SUFU: variants seen among roughly 807,000 people sequenced by gnomAD.
SUFU encodes the protein suppressor of fused homolog.
Under a neutral mutation model 58.9 loss-of-function variants are expected in SUFU, and 7 were observed. That is an observed-to-expected ratio of 0.12 (90% CI 0.07 to 0.22). The LOEUF (loss-of-function observed/expected upper bound fraction) is 0.22, where lower values mean the gene tolerates loss of function less well. Among genes scored for constraint, SUFU ranks in the 10% least tolerant of loss-of-function variants. SUFU has a pLI of 1.00. For synonymous variants in SUFU, 232 were observed against 254.8 expected (o/e 0.91, Z 0.85); for missense variants, 451 against 641.3 (o/e 0.70, Z 3.20).
At chr10:102,585,221 G>C (rs1268757243) in intron 3 of SUFU, among the ~76,000 whole-genome samples, 1 of 151,940 alleles carries the variant, frequency 6.6e-6, no homozygotes, top group Non-Finnish European at 1.5e-5. Context: ...ACCTCATATT[G>C]GTCACTCCCT....
rs898245262 is a variant in SUFU at position 102,579,808 on chromosome 10, C to G, written c.455-12774C>G. On this transcript the variant is annotated intron_variant, in intron 3 of 11. Transcript: ENST00000369902. The stretch of plus-strand genomic sequence containing the variant: ...GAGGGAAGCTCTCAAACCAAACACT[C>G]AAATGAACTTTTCAAGTGATAAAAC... 5.2e-5 allele frequency: 51 copies of G among 985,338 alleles called. No homozygotes were observed. In the African/African-American group the frequency reaches 8.7e-4, roughly 17 times the overall value. The allele number at this position is 985,338 out of a possible 1,614,324, so 61.0% of individuals were successfully genotyped here. A position where few individuals can be genotyped will look rare whatever the true frequency, so the allele number is the denominator to read the frequency against.
At chr10:102,529,601 G>C (rs1349675171) in intron 2 of SUFU, among the ~76,000 whole-genome samples, 1 of 152,096 alleles carries the variant, frequency 6.6e-6, no homozygotes, top group Non-Finnish European at 1.5e-5. Context: ...GAAGGCTGAG[G>C]CAGCAGTGAG....
At chr10:102,620,943 G>T (rs1165741792) in intron 10 of SUFU, among the ~76,000 whole-genome samples, 1 of 152,208 alleles carries the variant, frequency 6.6e-6, no homozygotes, top group Non-Finnish European at 1.5e-5. Flanking sequence ...TGCTTTCTCA[G>T]CTGTGTGGTG....
rs1236947004 is a variant in SUFU at position 102,599,470 on chromosome 10, C to G, written c.948C>G (p.Leu316=). The change falls in exon 8 of 12, where the codon CTC becomes CTG. Residue 316 remains leucine (L), a synonymous_variant. Coordinates refer to ENST00000369902, the MANE Select transcript of SUFU (RefSeq NM_016169.4). ...TCCGGGAGACCCTGAGGAGAGGACT[C>G]GAGATCAACAGCAAACCTGTCCTTC... ...EQIRETLRRG[L]EINSKPVLPP... 5 of 1,614,022 alleles carry G rather than the reference C, an allele frequency of 3.1e-6. No individual in the cohort carries two copies. The highest frequency in any genetic ancestry group is 4.2e-6 in the Non-Finnish European group (5 of 1,180,034).
At chr10:102,509,402 C>T (rs1179144075) in intron 2 of SUFU, 99 bp downstream of exon 2, 68 of 1,526,474 alleles carry the variant, frequency 4.5e-5, no homozygotes, top group South Asian at 6.7e-5. Flanking sequence ...GGTACTTCTC[C>T]GTGGAACCTC....
chr10:102,595,227 T>C (rs1358925652), intron 6 of SUFU, among the ~76,000 whole-genome samples: 1 of 152,222 alleles, frequency 6.6e-6, no homozygotes, highest in Admixed American at 6.5e-5. Context: ...AGGTGGCAGA[T>C]GGACATGTAG....
intron 2 of SUFU, among the ~76,000 whole-genome samples, chr10:102,516,676 T>A (rs2062474977): frequency 6.6e-6 from 1 of 151,890 alleles, no homozygotes; most frequent in Non-Finnish European, 1.5e-5. Flanking sequence ...GCCTCCCAAG[T>A]AGCTGGGATT....
Position 102,567,923 on chromosome 10 carries a change from C to T in SUFU, c.454+17817C>T, listed in dbSNP as rs143204687. On this transcript the variant is annotated intron_variant, in intron 3 of 11. Coordinates refer to ENST00000369902, the MANE Select transcript of SUFU (RefSeq NM_016169.4). ...TTGAAGATTTAGGAAGAACAGGACA[C>T]TATCAACCTCCTGGGCCAACCGGGC... 3.3e-3 allele frequency among the ~76,000 whole-genome samples: 506 copies of T among 152,242 alleles called. 5 individuals carry two copies. Among genetic ancestry groups the T allele is most frequent in the African/African-American group, 0.011 (475 of 41,532 alleles).
Position 102,619,248 on chromosome 10 carries a change from G to A in SUFU, c.1296+1820G>A, listed in dbSNP as rs2063719184. 2.0e-6 allele frequency: 3 copies of A among 1,474,180 alleles called. No homozygotes were observed. The highest frequency in any genetic ancestry group is 1.4e-5 in the African/African-American group (1 of 70,876). The allele number at this position is 1,474,180 out of a possible 1,614,324, so 91.3% of individuals were successfully genotyped here. ...TTCGGACCCAACCCCAATTCCCCAA[G>A]CCCCTGACCCCCTAGCTGCCGGGGT... On this transcript the variant is annotated intron_variant, in intron 10 of 11. Coordinates refer to ENST00000369902, the MANE Select transcript of SUFU (RefSeq NM_016169.4). This position sits in a 1 kb window ranked among gnomAD's most constrained non-coding sequence, Gnocchi z 4.2.
At chr10:102,571,411 T>C (rs1044136363) in intron 3 of SUFU, among the ~76,000 whole-genome samples, 4 of 152,216 alleles carry the variant, frequency 2.6e-5, no homozygotes, top group African/African-American at 9.6e-5. Context: ...ACGCCTGTAA[T>C]CCCAGCACTT....
At chr10:102,590,261 G>A (rs1421309862) in intron 3 of SUFU, among the ~76,000 whole-genome samples, 2 of 141,460 alleles carry the variant, frequency 1.4e-5, no homozygotes, top group Non-Finnish European at 3.0e-5. Context: ...CACCTCCCAG[G>A]TTCAAGTGAT....
intron 2 of SUFU, among the ~76,000 whole-genome samples, chr10:102,537,999 C>A (rs1046501333): frequency 6.6e-6 from 1 of 152,200 alleles, no homozygotes; most frequent in African/African-American, 2.4e-5. Flanking sequence ...GCAGCTGTAT[C>A]ATCTTACATT....
intron 8 of SUFU, among the ~76,000 whole-genome samples, chr10:102,601,307 T>C (rs1268245282): frequency 6.6e-6 from 1 of 152,158 alleles, no homozygotes; most frequent in African/African-American, 2.4e-5. Flanking sequence ...CTCCTAGATA[T>C]ACACATAAGC....
At chr10:102,583,518 T>C (rs1036211230) in intron 3 of SUFU, among the ~76,000 whole-genome samples, 2 of 152,316 alleles carry the variant, frequency 1.3e-5, no homozygotes, top group African/African-American at 4.8e-5. Context: ...TCCCAAGTTA[T>C]TAAGCCTGCA....
At chr10:102,592,834 C>G in intron 4 of SUFU, 110 bp downstream of exon 4, 2 of 1,275,852 alleles carry the variant, frequency 1.6e-6, no homozygotes, top group Non-Finnish European at 2.2e-6. Flanking sequence ...CCTTTGGCCT[C>G]GTCCTGATTT....
In SUFU at chr10:102,509,165, G is replaced by A. The variant is rs766044613; in HGVS notation, c.183-4G>A. On this transcript the variant is annotated splice_polypyrimidine_tract_variant and splice_region_variant and intron_variant, in intron 1 of 11. Transcript: ENST00000369902. ...CTAACACCCCTGTGTTTTGTTTTTT[G>A]CAGGTTGGGTGGCCCAGACCCCTTG... 4.3e-5 allele frequency: 70 copies of A among 1,613,754 alleles called. 2 individuals are homozygous for A. The Admixed American group carries it at 1.1e-3, about 26-fold the overall frequency.
At chr10:102,622,267 T>A (rs2063745843) in intron 10 of SUFU, among the ~76,000 whole-genome samples, 1 of 152,168 alleles carries the variant, frequency 6.6e-6, no homozygotes, top group African/African-American at 2.4e-5. Context: ...GCCTGAGTAT[T>A]TCCCCAGCAG....
At chr10:102,567,947 G>A (rs140349836) in intron 3 of SUFU, among the ~76,000 whole-genome samples, 5 of 152,126 alleles carry the variant, frequency 3.3e-5, no homozygotes, top group Non-Finnish European at 7.4e-5. Context: ...GGCCAACCGG[G>A]CATGTCTAGG....
chr10:102,531,723 T>C (rs2062679838), intron 2 of SUFU, among the ~76,000 whole-genome samples: 1 of 152,138 alleles, frequency 6.6e-6, no homozygotes. Context: ...AGGAATAGCA[T>C]AGGGGATAGT....
Sources: allele counts gnomAD v4.1 joint callset (sites outside exome capture counted in the v4.1 genomes callset), GRCh38; gene constraint gnomAD v4.1.1; non-coding constraint Gnocchi (gnomAD v3.1); transcripts MANE v1.5; gene names NCBI Gene and HGNC (gene_info 2026-07-23, HGNC 2026-07-21).